CDH12: variants seen among roughly 807,000 people sequenced by gnomAD.
The protein encoded by CDH12 is cadherin-12.
Under a neutral mutation model 74.1 loss-of-function variants are expected in CDH12, and 41 were observed. The ratio of observed to expected loss-of-function variants is 0.55; its 90% CI spans 0.43 to 0.72. The LOEUF is 0.72. Among genes scored for constraint, CDH12 ranks in the 30% least tolerant of loss-of-function variants. CDH12 has a pLI of 0.00. For missense variants in CDH12, 945 were observed against 977.2 expected (o/e 0.97, Z 0.44); for synonymous variants, 399 against 355.0 (o/e 1.12, Z -1.39).
At chr5:22,279,825 C>T (rs181533190) in intron 3 of CDH12, among the ~76,000 whole-genome samples, 12 of 152,128 alleles carry the variant, frequency 7.9e-5, no homozygotes, top group East Asian at 1.9e-4. Flanking sequence ...TGAGTAGTGC[C>T]GCAATAAACA....
intron 1 of CDH12, among the ~76,000 whole-genome samples, chr5:22,685,778 C>A (rs574244589): frequency 6.6e-6 from 1 of 152,148 alleles, no homozygotes; most frequent in South Asian, 2.1e-4. Flanking sequence ...TAGAACACAT[C>A]GTGTTTATCC....
At chr5:22,076,182 G>A (rs1742304576) in intron 5 of CDH12, among the ~76,000 whole-genome samples, 1 of 152,072 alleles carries the variant, frequency 6.6e-6, no homozygotes, top group Non-Finnish European at 1.5e-5. Context: ...CTGGTTAAAT[G>A]TAATAATAGG....
intron 6 of CDH12, among the ~76,000 whole-genome samples, chr5:21,920,079 T>C (rs1037336228): frequency 3.9e-5 from 6 of 152,206 alleles, no homozygotes; most frequent in Admixed American, 3.9e-4. Flanking sequence ...AAACCTATAA[T>C]TATGGATAGA....
intron 5 of CDH12, among the ~76,000 whole-genome samples, chr5:22,039,930 C>T (rs1739450926): frequency 6.6e-6 from 1 of 151,466 alleles, no homozygotes; most frequent in Admixed American, 6.6e-5. Flanking sequence ...AAATATGGCA[C>T]CACCAAGAGA....
At chr5:21,926,814 TACA>T (rs1390175246) in intron 6 of CDH12, among the ~76,000 whole-genome samples, 3 of 152,152 alleles carry the variant, frequency 2.0e-5, no homozygotes, top group Middle Eastern at 3.2e-3. Flanking sequence ...TAGAACTGTG[TACA>T]ACAATAGAGG....
intron 4 of CDH12, among the ~76,000 whole-genome samples, chr5:22,087,450 G>C (rs1213697004): frequency 6.6e-6 from 1 of 152,038 alleles, no homozygotes; most frequent in Non-Finnish European, 1.5e-5. Context: ...GACCAGCCTG[G>C]CCAACATGGT....
intron 6 of CDH12, among the ~76,000 whole-genome samples, chr5:21,963,407 T>C (rs1165201007): frequency 1.3e-5 from 2 of 152,140 alleles, no homozygotes; most frequent in African/African-American, 4.8e-5. Flanking sequence ...CTTTAATCTC[T>C]TCCTCTAAAC....
intron 6 of CDH12, among the ~76,000 whole-genome samples, chr5:21,942,147 G>A (rs2431890): frequency 4.6e-5 from 7 of 152,056 alleles, no homozygotes; most frequent in African/African-American, 1.5e-4. Context: ...GGAGTGACAG[G>A]ATTTCAAGTT....
chr5:22,227,474 C>A (rs1460868233), intron 3 of CDH12, among the ~76,000 whole-genome samples: 2 of 152,040 alleles, frequency 1.3e-5, no homozygotes, highest in Non-Finnish European at 2.9e-5. Flanking sequence ...TTTTTCAGGG[C>A]TTTCCCCAGT....
chr5:21,855,451 G>T (rs1276882448), intron 6 of CDH12, among the ~76,000 whole-genome samples: 1 of 151,550 alleles, frequency 6.6e-6, no homozygotes, highest in African/African-American at 2.4e-5. Flanking sequence ...AAAAGAAGTT[G>T]AAGGGAGCTT....
At chr5:22,165,552 G>A (rs1391614110) in intron 4 of CDH12, among the ~76,000 whole-genome samples, 2 of 151,708 alleles carry the variant, frequency 1.3e-5, no homozygotes, top group Non-Finnish European at 1.5e-5. Context: ...AGCATTTGTG[G>A]TCAACACTCT....
At chr5:22,075,698 G>A (rs572516199) in intron 5 of CDH12, among the ~76,000 whole-genome samples, 4 of 151,960 alleles carry the variant, frequency 2.6e-5, no homozygotes, top group East Asian at 1.9e-4. Flanking sequence ...AGAAGGCTAC[G>A]AGTAGTTAAG....
At position 21,842,259 on chromosome 5, in the gene CDH12, G is replaced by A. The variant is rs370517934; in HGVS notation, c.716C>T (p.Ala239Val). 6.2e-7 allele frequency: 1 copy of A among 1,613,124 alleles called. No homozygotes were observed. Among genetic ancestry groups the A allele is most frequent in the Non-Finnish European group, 8.5e-7 (1 of 1,179,426 alleles). ...TCCAAGCTGTCCTCCCATATCCTTG[G>A]CTTGGATGAGTACTTGATATTGTTC... ...VKEQYQVLIQ[A>V]KDMGGQLGGL... The change falls in exon 8 of 15, where the codon GCC becomes GTC. Residue 239 changes from alanine to valine, a missense_variant. Ala to Val is a moderately conservative substitution (Grantham distance 64). This residue lies in a region of CDH12 where 791 missense variants were observed against 792.8 expected (regional missense o/e 1.00). Transcript: ENST00000382254.
At chr5:22,026,318 C>A (rs999154653) in intron 5 of CDH12, among the ~76,000 whole-genome samples, 1 of 152,114 alleles carries the variant, frequency 6.6e-6, no homozygotes, top group Non-Finnish European at 1.5e-5. Flanking sequence ...ACTGCAGACA[C>A]CCTGCTTTAG....
chr5:22,804,689 T>C (rs550613958), intron 1 of CDH12, among the ~76,000 whole-genome samples: 2 of 152,298 alleles, frequency 1.3e-5, no homozygotes, highest in East Asian at 3.9e-4. Context: ...GTCAACTGAT[T>C]GTATATCTTA....
At chr5:22,241,020 A>G (rs1486923904) in intron 3 of CDH12, among the ~76,000 whole-genome samples, 1 of 152,080 alleles carries the variant, frequency 6.6e-6, no homozygotes, top group African/African-American at 2.4e-5. Context: ...GAGAATGGAA[A>G]CAGAACACAA....
chr5:22,085,282 CA>C (rs1186014178), intron 4 of CDH12, among the ~76,000 whole-genome samples: 1 of 151,892 alleles, frequency 6.6e-6, no homozygotes, highest in African/African-American at 2.4e-5. Flanking sequence ...AAAAGATATA[CA>C]AAGGCTGTGG....
At chr5:21,801,759 G>A (rs1174997259) in intron 10 of CDH12, among the ~76,000 whole-genome samples, 2 of 152,036 alleles carry the variant, frequency 1.3e-5, no homozygotes, top group African/African-American at 4.8e-5. Context: ...TTGGGTAAGG[G>A]GTCAGAAATT....
chr5:22,364,559 G>C (rs1740953209), intron 3 of CDH12, among the ~76,000 whole-genome samples: 1 of 152,108 alleles, frequency 6.6e-6, no homozygotes, highest in Admixed American at 6.6e-5. Context: ...TTACAGGTGA[G>C]AAAAATAAGT....
Sources: allele counts gnomAD v4.1 joint callset (sites outside exome capture counted in the v4.1 genomes callset), GRCh38; gene constraint gnomAD v4.1.1; regional missense constraint gnomAD v4.1.1; transcripts MANE v1.5; gene names NCBI Gene and HGNC (gene_info 2026-07-23, HGNC 2026-07-21).